Variants in TMOD1 observed in about 807,000 individuals in gnomAD.
The protein encoded by TMOD1 is tropomodulin 1, also known as tropomodulin-1.
In TMOD1, 17 loss-of-function variants were observed where a neutral mutation model predicts 40.6. The ratio of observed to expected loss-of-function variants is 0.42; its 90% CI spans 0.29 to 0.63. The LOEUF (loss-of-function observed/expected upper bound fraction) is 0.63, where lower values mean the gene tolerates loss of function less well. Among genes scored for constraint, TMOD1 ranks in the 20% least tolerant of loss-of-function variants. The pLI is 0.22. For missense variants in TMOD1, 391 were observed against 447.6 expected, an observed-to-expected ratio of 0.87 and a Z score of 1.14; for synonymous variants, 181 against 175.0, an observed-to-expected ratio of 1.03 and a Z score of -0.27.
intron 8 of TMOD1, among the ~76,000 whole-genome samples, chr9:97,585,531 C>T (rs1184249311): frequency 2.0e-5 from 3 of 149,998 alleles, no homozygotes; most frequent in Non-Finnish European, 4.5e-5. Context: ...CTCTGTATTT[C>T]CTGAATCTGA....
chr9:97,575,078 T>C (rs1830906713), intron 8 of TMOD1, among the ~76,000 whole-genome samples: 1 of 152,212 alleles, frequency 6.6e-6, no homozygotes, highest in South Asian at 2.1e-4. Flanking sequence ...TGTGGAAACT[T>C]TGTTCTTTCT....
rs1172274297 is a variant in TMOD1, at chr9:97,550,992, T to TTATATA, written c.278-2271_278-2266dup. 1.2e-3 allele frequency among the ~76,000 whole-genome samples: 113 copies of TTATATA among 96,292 alleles called. 1 individual carries two copies. Among genetic ancestry groups the TTATATA allele is most frequent in the African/African-American group, 2.0e-3 (42 of 20,920 alleles). The allele number at this position is 96,292 out of a possible 152,430, so 63.2% of individuals were successfully genotyped here. A position where few individuals can be genotyped will look rare whatever the true frequency, so the allele number is the denominator to read the frequency against. On this transcript the variant is annotated intron_variant, in intron 3 of 9. Coordinates refer to ENST00000259365, the MANE Select transcript of TMOD1 (RefSeq NM_003275.4). Reference sequence around the variant, plus strand: ...AACCTTATGTTTTCTTCTAAGAATTTTATATATATATATATATATATATTT... The same window carrying TTATATA: ...AACCTTATGTTTTCTTCTAAGAATTTTATATATATATATATATATATATATATATTT...
At chr9:97,536,553 T>C (rs906516581) in intron 2 of TMOD1, among the ~76,000 whole-genome samples, 1 of 152,076 alleles carries the variant, frequency 6.6e-6, no homozygotes, top group Non-Finnish European at 1.5e-5. Flanking sequence ...CTCCCCTGCT[T>C]TCTAACACTT....
chr9:97,531,040 C>A (rs972027298), intron 2 of TMOD1, among the ~76,000 whole-genome samples: 1 of 135,394 alleles, frequency 7.4e-6, no homozygotes, highest in Non-Finnish European at 1.6e-5. Context: ...CACACCCACC[C>A]CCCCCACCAC....
intron 9 of TMOD1, among the ~76,000 whole-genome samples, chr9:97,598,082 C>G (rs1478656398): frequency 6.6e-6 from 1 of 152,036 alleles, no homozygotes. Flanking sequence ...AATCCCAGCA[C>G]TTTGAGAGGC....
intron 2 of TMOD1, among the ~76,000 whole-genome samples, chr9:97,532,967 G>C (rs2131231832): frequency 6.6e-6 from 1 of 152,338 alleles, no homozygotes; most frequent in South Asian, 2.1e-4. Flanking sequence ...GAGTGGTGGG[G>C]ACTGAGGCAA....
Position 97,502,236 on chromosome 9 carries a change from C to A in TMOD1, c.-49+433C>A, listed in dbSNP as rs1829514045. Among the ~76,000 whole-genome samples the A allele has an allele frequency of 6.6e-6, 1 of 152,126 alleles. No individual in the cohort carries two copies. The highest frequency in any genetic ancestry group is 1.5e-5 in the Non-Finnish European group (1 of 68,000). On this transcript the variant is annotated intron_variant, in intron 1 of 9. Coordinates refer to ENST00000259365, the MANE Select transcript of TMOD1 (RefSeq NM_003275.4). The surrounding 1 kb of genome is among the most constrained non-coding windows in gnomAD (Gnocchi z 6.1). ...GGTACAGGTGCCAGCCGGAGCTGGG[C>A]TCGGGGGCGCGGCCTCTTCTCCGCC...
intron 4 of TMOD1, among the ~76,000 whole-genome samples, chr9:97,555,958 T>C (rs996160991): frequency 6.6e-6 from 1 of 151,252 alleles, no homozygotes; most frequent in African/African-American, 2.4e-5. Context: ...CAACAGAGGG[T>C]GATGGGCAAG....
rs143971229 is a variant in TMOD1 at position 97,575,335 on chromosome 9, C to T, written c.870+6298C>T. ...GGAAGGAAGAAACTCCTAACACATC[C>T]GAACATCAGAAGGAACAAACTCCGG... On this transcript the variant is annotated intron_variant, in intron 8 of 9. Transcript: ENST00000259365. 4.6e-3 allele frequency among the ~76,000 whole-genome samples: 702 copies of T among 152,302 alleles called. 7 individuals carry two copies. The highest frequency in any genetic ancestry group is 0.015 in the African/African-American group (603 of 41,550).
chr9:97,588,776 T>G (rs559978877), intron 8 of TMOD1, among the ~76,000 whole-genome samples: 3 of 152,312 alleles, frequency 2.0e-5, no homozygotes, highest in African/African-American at 7.2e-5. Flanking sequence ...TATATAAGTC[T>G]TTACTTCTTT....
intron 8 of TMOD1, among the ~76,000 whole-genome samples, chr9:97,586,760 C>A (rs1387526662): frequency 2.0e-5 from 3 of 151,482 alleles, no homozygotes; most frequent in South Asian, 2.1e-4. Flanking sequence ...TGGGAGTGAC[C>A]CGATTTTCCA....
Position 97,557,075 on chromosome 9 carries a change from T to C in TMOD1, c.397+3675T>C, listed in dbSNP as rs537682582. Among the ~76,000 whole-genome samples the C allele has an allele frequency of 5.1e-4, 77 of 152,226 alleles. No individual in the cohort carries two copies. The highest frequency in any genetic ancestry group is 1.7e-3 in the African/African-American group (69 of 41,536). ...ACATTATTGAACTCCTACTGTATACTAGGATGAACAGGAGCCAGTCCTTGC... is the reference window on the plus strand; with the variant it reads ...ACATTATTGAACTCCTACTGTATACCAGGATGAACAGGAGCCAGTCCTTGC... On this transcript the variant is annotated intron_variant, in intron 4 of 9. Transcript: ENST00000259365. The surrounding 1 kb of genome is among the most constrained non-coding windows in gnomAD (Gnocchi z 4.4).
chr9:97,545,261 C>T (rs1830343324), intron 2 of TMOD1, among the ~76,000 whole-genome samples: 1 of 152,212 alleles, frequency 6.6e-6, no homozygotes, highest in African/African-American at 2.4e-5. Context: ...TTGCTCTGTG[C>T]CTCAGTTCCC....
Position 97,600,889 on chromosome 9 carries a change from C to T in TMOD1, c.*1191C>T. ...AATGCCCTTGTGCCTTTTAATATAC[C>T]ACAGTGCCAGTTAAACTAATATTTT... On this transcript the variant is annotated 3_prime_UTR_variant, in exon 10 of 10. Coordinates refer to ENST00000259365, the MANE Select transcript of TMOD1 (RefSeq NM_003275.4). The T allele has an allele frequency of 8.7e-7, 1 of 1,143,648 alleles. No homozygotes were observed. Among genetic ancestry groups the T allele is most frequent in the Non-Finnish European group, 1.1e-6 (1 of 914,840 alleles). 70.8% of individuals were successfully genotyped at this position (1,143,648 alleles called of 1,614,324 possible).
intron 1 of TMOD1, among the ~76,000 whole-genome samples, 178 bp from the exon 2 acceptor site, chr9:97,523,963 T>A (rs903184931): frequency 2.0e-5 from 3 of 152,262 alleles, no homozygotes; most frequent in Non-Finnish European, 4.4e-5. Flanking sequence ...CTCAGGACTT[T>A]ACCTTGCACA....
chr9:97,563,428 C>T (rs527299853), intron 5 of TMOD1, among the ~76,000 whole-genome samples: 17 of 152,198 alleles, frequency 1.1e-4, no homozygotes, highest in Admixed American at 3.3e-4. Flanking sequence ...TTCATTTTTT[C>T]GAATTAATAT....
intron 2 of TMOD1, among the ~76,000 whole-genome samples, chr9:97,530,032 C>T (rs1338777702): frequency 6.6e-6 from 1 of 152,232 alleles, no homozygotes; most frequent in African/African-American, 2.4e-5. Flanking sequence ...CCAACCTAGA[C>T]AGTCTTGGCC....
At chr9:97,563,735 G>A (rs1830675481) in intron 5 of TMOD1, among the ~76,000 whole-genome samples, 1 of 152,230 alleles carries the variant, frequency 6.6e-6, no homozygotes, top group African/African-American at 2.4e-5. Flanking sequence ...AGTCCACTGA[G>A]GTCATGAGCC....
chr9:97,531,705 A>G (rs934592169), intron 2 of TMOD1, among the ~76,000 whole-genome samples: 2 of 152,160 alleles, frequency 1.3e-5, no homozygotes, highest in Non-Finnish European at 2.9e-5. Context: ...ACACTTAGAA[A>G]TCATCTAACA....
Sources: allele counts gnomAD v4.1 joint callset (sites outside exome capture counted in the v4.1 genomes callset), GRCh38; gene constraint gnomAD v4.1.1; non-coding constraint Gnocchi (gnomAD v3.1); transcripts MANE v1.5; gene names NCBI Gene and HGNC (gene_info 2026-07-23, HGNC 2026-07-21).